The following NEK10 variants were observed in gnomAD, a reference collection of about 807,000 sequenced individuals.
The protein encoded by NEK10 is NIMA related kinase 10, also known as serine/threonine-protein kinase Nek10.
In NEK10, 122 loss-of-function variants were observed where a neutral mutation model predicts 159.8. The ratio of observed to expected loss-of-function variants is 0.76; its 90% confidence interval spans 0.66 to 0.89. The LOEUF is 0.89. Among genes scored for constraint, NEK10 ranks in the 40% least tolerant of loss-of-function variants. The pLI is 0.00. For missense variants in NEK10, 1,342 were observed against 1,323.1 expected, an observed-to-expected ratio of 1.01 and a Z score of -0.22; for synonymous variants, 466 against 457.1, an observed-to-expected ratio of 1.02 and a Z score of -0.25.
At chr3:27,175,568 C>T (rs73036950) in intron 26 of NEK10, among the ~76,000 whole-genome samples, 8,350 of 152,244 alleles carry the variant, frequency 0.055, 253 homozygotes, top group Non-Finnish European at 0.06. Context: ...TGGAAGTTTT[C>T]ATTTTTCTAA....
intron 5 of NEK10, among the ~76,000 whole-genome samples, chr3:27,338,296 A>G (rs1575815238): frequency 1.3e-5 from 2 of 152,226 alleles, no homozygotes; most frequent in African/African-American, 2.4e-5. Context: ...ATAGTACTCC[A>G]CGGTGTATAT....
intron 1 of NEK10, among the ~76,000 whole-genome samples, chr3:27,362,396 T>C (rs1415166866): frequency 6.6e-6 from 1 of 152,138 alleles, no homozygotes; most frequent in Non-Finnish European, 1.5e-5. Flanking sequence ...GTAAAACATC[T>C]ATATGCAGAT....
chr3:27,134,988 T>C (rs868061406), intron 31 of NEK10, among the ~76,000 whole-genome samples: 3 of 152,194 alleles, frequency 2.0e-5, no homozygotes, highest in Non-Finnish European at 2.9e-5. Flanking sequence ...TACTATTTTA[T>C]AGGTGAGGAA....
At chr3:27,154,053 A>T (rs987921987) in intron 30 of NEK10, among the ~76,000 whole-genome samples, 1 of 152,222 alleles carries the variant, frequency 6.6e-6, no homozygotes, top group Admixed American at 6.5e-5. Context: ...TTGATAGACC[A>T]TTATCAAGAT....
chr3:27,151,216 T>C (rs756540667), intron 30 of NEK10, among the ~76,000 whole-genome samples: 3 of 152,026 alleles, frequency 2.0e-5, no homozygotes, highest in African/African-American at 7.2e-5. Flanking sequence ...AAACAGAGCA[T>C]TAAACCACCA....
In NEK10 at chr3:27,346,209, G is replaced by C; in HGVS notation, c.140C>G (p.Ala47Gly). The C allele has an allele frequency of 6.2e-7, 1 of 1,613,630 alleles. No homozygotes were observed. The highest frequency in any genetic ancestry group is 8.5e-7 in the Non-Finnish European group (1 of 1,179,624). ...NVQSSKQQLP[A>G]INFDSAQNSM... ...ATTTTGGGCACTATCGAAGTTAATG[G>C]CTGGAAGCTACAGAAATAGAAGCAT... Residue 47 changes from alanine (A) to glycine (G), a missense_variant, in exon 4 of 36, where the codon GCC becomes GGC. Physicochemically the swap from Ala to Gly is moderately conservative, Grantham distance 60 (BLOSUM62 0). Coordinates refer to ENST00000691995, the MANE Select transcript of NEK10 (RefSeq NM_001394966.1).
At chr3:27,326,409 G>A (rs2046002963) in intron 5 of NEK10, among the ~76,000 whole-genome samples, 1 of 152,166 alleles carries the variant, frequency 6.6e-6, no homozygotes, top group African/African-American at 2.4e-5. Context: ...AAGCCATGGG[G>A]CATTTTAAGA....
At chr3:27,254,037 T>G (rs1955926230) in intron 23 of NEK10, among the ~76,000 whole-genome samples, 1 of 152,080 alleles carries the variant, frequency 6.6e-6, no homozygotes, top group East Asian at 1.9e-4. Flanking sequence ...CCCTTGTGAT[T>G]GGAAAAAAAA....
At chr3:27,234,005 C>G (rs1336395729) in intron 23 of NEK10, among the ~76,000 whole-genome samples, 2 of 151,688 alleles carry the variant, frequency 1.3e-5, no homozygotes, top group East Asian at 3.9e-4. Flanking sequence ...ATAAAGAGAA[C>G]TAAAGAAAAA....
intron 26 of NEK10, among the ~76,000 whole-genome samples, chr3:27,181,648 G>A (rs560983901): frequency 6.6e-6 from 1 of 152,126 alleles, no homozygotes; most frequent in Non-Finnish European, 1.5e-5. Context: ...CTGTCTCCCT[G>A]TGTCTACAAT....
intron 26 of NEK10, among the ~76,000 whole-genome samples, chr3:27,176,524 T>C (rs900233834): frequency 1.3e-5 from 2 of 152,188 alleles, no homozygotes; most frequent in Non-Finnish European, 2.9e-5. Context: ...CAACCCCTGA[T>C]ACCAAATCCA....
intron 32 of NEK10, among the ~76,000 whole-genome samples, chr3:27,130,807 G>A (rs1241099400): frequency 6.6e-6 from 1 of 152,102 alleles, no homozygotes; most frequent in Non-Finnish European, 1.5e-5. Context: ...ATAAATATCT[G>A]AAGCCTCTTC....
intron 5 of NEK10, among the ~76,000 whole-genome samples, chr3:27,328,832 T>C (rs1216397186): frequency 1.3e-5 from 2 of 152,196 alleles, no homozygotes; most frequent in African/African-American, 4.8e-5. Context: ...GGGTTTGGAC[T>C]AGCTGATGGG....
At chr3:27,114,491 CAAGTAGTTGAAT>C (rs1940082611) in intron 35 of NEK10, among the ~76,000 whole-genome samples, 1 of 152,018 alleles carries the variant, frequency 6.6e-6, no homozygotes, top group Admixed American at 6.6e-5. Context: ...GTCAAAAGAG[CAAGTAGTTGAAT>C]AATTTTACTT....
At chr3:27,225,233 T>C (rs1952507012) in intron 23 of NEK10, among the ~76,000 whole-genome samples, 1 of 152,232 alleles carries the variant, frequency 6.6e-6, no homozygotes, top group Admixed American at 6.5e-5. Flanking sequence ...CTGCTTATAT[T>C]CTGGCCATGC....
intron 35 of NEK10, among the ~76,000 whole-genome samples, chr3:27,115,635 T>G (rs2125414984): frequency 6.6e-6 from 1 of 152,328 alleles, no homozygotes; most frequent in South Asian, 2.1e-4. Flanking sequence ...TATTTGATGT[T>G]TAAAAAACCA....
At chr3:27,171,742 C>G in intron 29 of NEK10, 77 bp downstream of exon 29, 2 of 1,470,782 alleles carry the variant, frequency 1.4e-6, no homozygotes, top group Non-Finnish European at 1.9e-6. Context: ...TTCTGGCTAT[C>G]AGGTTTCAAT....
intron 30 of NEK10, among the ~76,000 whole-genome samples, chr3:27,147,612 TC>T (rs1255804806): frequency 6.6e-6 from 1 of 152,224 alleles, no homozygotes. Context: ...TGGCTGAGCC[TC>T]TTTTAAGTAA....
chr3:27,155,972 C>G (rs1445314440), intron 30 of NEK10, among the ~76,000 whole-genome samples: 1 of 151,964 alleles, frequency 6.6e-6, no homozygotes, highest in Non-Finnish European at 1.5e-5. Flanking sequence ...AATAGAGAAC[C>G]CAGAAGTAAA....
Sources: allele counts gnomAD v4.1 joint callset (sites outside exome capture counted in the v4.1 genomes callset), GRCh38; gene constraint gnomAD v4.1.1; transcripts MANE v1.5; gene names NCBI Gene and HGNC (gene_info 2026-07-23, HGNC 2026-07-21).